The following STRADB variants were observed in gnomAD, a reference collection of about 807,000 sequenced individuals.
STRADB encodes STE20 related adaptor beta.
Under a neutral mutation model 52.1 loss-of-function variants are expected in STRADB, and 34 were observed. That is an observed-to-expected ratio of 0.65 (90% CI 0.50 to 0.87). The LOEUF (loss-of-function observed/expected upper bound fraction) is 0.87, where lower values mean the gene tolerates loss of function less well. STRADB is among the 40% of genes least tolerant of loss of function. STRADB has a pLI of 0.00. For missense variants in STRADB, 340 were observed against 483.9 expected, an observed-to-expected ratio of 0.70 and a Z score of 2.79; for synonymous variants, 133 against 174.5, an observed-to-expected ratio of 0.76 and a Z score of 1.87.
chr2:201,463,988 T>A (rs1952258229), intron 3 of STRADB, among the ~76,000 whole-genome samples: 1 of 152,186 alleles, frequency 6.6e-6, no homozygotes, highest in Admixed American at 6.5e-5. Flanking sequence ...CTTCTCTGTG[T>A]TATCTTGAAA....
chr2:201,473,135 T>C, intron 5 of STRADB, 59 bp downstream of exon 5: 1 of 1,484,834 alleles, frequency 6.7e-7, no homozygotes, highest in Admixed American at 2.3e-5. Flanking sequence ...GTTCCACATC[T>C]GCAGATTCAA....
At chr2:201,471,124 C>T (rs1366443199) in intron 4 of STRADB, among the ~76,000 whole-genome samples, 1 of 152,162 alleles carries the variant, frequency 6.6e-6, no homozygotes, top group Non-Finnish European at 1.5e-5. Context: ...AAGGATCTGA[C>T]CTTTTTGAAA....
At position 201,478,618 on chromosome 2, in the gene STRADB, T is replaced by C; in HGVS notation, c.1070+17T>C. 1 of 1,610,378 alleles carries C rather than the reference T, an allele frequency of 6.2e-7. No individual in the cohort carries two copies. On this transcript the variant is annotated intron_variant, in intron 10 of 11. Coordinates refer to ENST00000194530, the MANE Select transcript of STRADB (RefSeq NM_018571.6). ...TGAGAAAAGGTAATATTGATCTCTT[T>C]TAAATAGCACAAAATGTACATGTTT... is the stretch of plus-strand genomic sequence containing the variant.
intron 5 of STRADB, 93 bp from the exon 6 acceptor site, chr2:201,474,554 C>G (rs1952442274): frequency 1.0e-6 from 1 of 968,178 alleles, no homozygotes; most frequent in African/African-American, 1.7e-5. Flanking sequence ...CACTAATAAG[C>G]ACCCTTGAGT....
rs757082011 is a variant in STRADB at position 201,458,765 on chromosome 2, A to G, written c.13-19A>G. ...CTGTAACTTATTTTTCACTTATATAATGCATTTCTGACTTCCAGGATTGCT... is the reference window on the plus strand; with the variant it reads ...CTGTAACTTATTTTTCACTTATATAGTGCATTTCTGACTTCCAGGATTGCT... On this transcript the variant is annotated intron_variant, in intron 2 of 11. Transcript: ENST00000194530. 16 of 1,610,840 alleles carry G rather than the reference A, an allele frequency of 9.9e-6. No individual in the cohort carries two copies. The Admixed American group carries it at 1.8e-4, about 18-fold the overall frequency.
intron 2 of STRADB, 83 bp downstream of exon 2, chr2:201,454,935 C>A: frequency 8.0e-7 from 1 of 1,244,074 alleles, no homozygotes; most frequent in Middle Eastern, 1.9e-4. Context: ...AAGGCATATT[C>A]TGATGGGATA....
intron 3 of STRADB, chr2:201,460,798 C>A (rs1179901220): frequency 2.7e-6 from 1 of 367,764 alleles, no homozygotes; most frequent in Admixed American, 2.5e-5. Flanking sequence ...CAAGTCTTGG[C>A]TATTGTCAGT....
In STRADB at chr2:201,473,035, A is replaced by G. The variant is rs765320163; in HGVS notation, c.274A>G (p.Asn92Asp). The change falls in exon 5 of 12, where the codon AAT becomes GAT. Residue 92 changes from asparagine to aspartate, a missense_variant. Physicochemically the swap from Asn to Asp is conservative, Grantham distance 23. Transcript: ENST00000194530. ...AACACTGGTAACTATAAAAATTACA[A>G]ATCTGGAAAACTGCAATGAAGAACG... ...TGTLVTIKIT[N>D]LENCNEERLK... 7.4e-6 allele frequency: 12 copies of G among 1,612,926 alleles called. No individual in the cohort carries two copies. Among genetic ancestry groups the G allele is most frequent in the South Asian group, 1.1e-5 (1 of 90,710 alleles).
chr2:201,480,258 A>C lies in STRADB; in HGVS notation c.*83A>C. 6.4e-7 allele frequency: 1 copy of C among 1,572,124 alleles called. No homozygotes were observed. The highest frequency in any genetic ancestry group is 1.4e-5 in the African/African-American group (1 of 73,276). ...TTCTGTATTTCTAGGTACAAATACC[A>C]GAATTATACTTGAAAATACAGTTGG... On this transcript the variant is annotated 3_prime_UTR_variant, in exon 12 of 12. Coordinates refer to ENST00000194530, the MANE Select transcript of STRADB (RefSeq NM_018571.6).
rs577257371 is a variant in STRADB at position 201,461,439 on chromosome 2, T to C, written c.93+2575T>C. On this transcript the variant is annotated intron_variant, in intron 3 of 11. Transcript: ENST00000194530. ...CCTCCCACCTCAGCCTCCCAGAGTA[T>C]TGGGCTTACAGTCTGAGCCAATGTG... is the stretch of plus-strand genomic sequence containing the variant. Among the ~76,000 whole-genome samples, 7 of 152,334 alleles carry C rather than the reference T, an allele frequency of 4.6e-5. No individual in the cohort carries two copies. In the East Asian group the frequency reaches 1.2e-3, roughly 25 times the overall value.
At chr2:201,467,911 T>C (rs1371765692) in intron 3 of STRADB, among the ~76,000 whole-genome samples, 1 of 151,968 alleles carries the variant, frequency 6.6e-6, no homozygotes, top group Non-Finnish European at 1.5e-5. Context: ...TGGTATTGAC[T>C]GAAACCTCTG....
At position 201,478,394 on chromosome 2, in the gene STRADB, C is replaced by G. The variant is rs1952514152; in HGVS notation, c.863C>G (p.Pro288Arg). The change falls in exon 10 of 12, where the codon CCA becomes CGA. Residue 288 changes from proline (P) to arginine (R), a missense_variant. Pro to Arg is a moderately radical substitution (Grantham distance 103). Transcript: ENST00000194530. ...LQKLKGPPYSPLDISIFPQSE... is the reference protein window; with the variant it reads ...LQKLKGPPYSRLDISIFPQSE... ...AAACTGAAAGGTCCTCCTTATAGCC[C>G]ATTGGATATCAGTATTTTCCCTCAA... 6.2e-7 allele frequency: 1 copy of G among 1,613,972 alleles called. No homozygotes were observed. The highest frequency in any genetic ancestry group is 1.1e-5 in the South Asian group (1 of 91,088).
At chr2:201,452,323 C>A (rs1324589466) in intron 1 of STRADB, among the ~76,000 whole-genome samples, 2 of 152,358 alleles carry the variant, frequency 1.3e-5, no homozygotes, top group East Asian at 3.9e-4. Flanking sequence ...ACCCTCAGAC[C>A]CCAGCTCTAT....
rs1284680220 is a variant in STRADB, at chr2:201,473,081, C to T, written c.315+5C>T. 3 of 1,609,252 alleles carry T rather than the reference C, an allele frequency of 1.9e-6. No homozygotes were observed. The highest frequency in any genetic ancestry group is 1.1e-5 in the South Asian group (1 of 89,588). ...GAACGCCTGAAAGCTTTACAGGTAACAATATGAAGAAAATGATACACAGTT... is the reference window on the plus strand; with the variant it reads ...GAACGCCTGAAAGCTTTACAGGTAATAATATGAAGAAAATGATACACAGTT... On this transcript the variant is annotated splice_donor_5th_base_variant and intron_variant, in intron 5 of 11. Coordinates refer to ENST00000194530, the MANE Select transcript of STRADB (RefSeq NM_018571.6).
chr2:201,464,417 G>A (rs539246914), intron 3 of STRADB, among the ~76,000 whole-genome samples: 47 of 152,242 alleles, frequency 3.1e-4, no homozygotes, highest in Admixed American at 2.7e-3. Context: ...AGGGAATCTC[G>A]TTTTCTTCCC....
At chr2:201,464,052 G>A (rs1171876109) in intron 3 of STRADB, among the ~76,000 whole-genome samples, 2 of 152,062 alleles carry the variant, frequency 1.3e-5, no homozygotes, top group Non-Finnish European at 2.9e-5. Flanking sequence ...GGAAGGTCAC[G>A]TATCTCTGTC....
At chr2:201,468,706 T>C (rs1952343758) in intron 3 of STRADB, among the ~76,000 whole-genome samples, 2 of 152,216 alleles carry the variant, frequency 1.3e-5, no homozygotes, top group African/African-American at 4.8e-5. Context: ...GCCGTTTTTT[T>C]CCAAGCCTGT....
rs1407640982 is a variant in STRADB at position 201,472,950 on chromosome 2, T to G, written c.194-5T>G. 5.0e-6 allele frequency: 8 copies of G among 1,597,064 alleles called. No individual in the cohort carries two copies. The highest frequency in any genetic ancestry group is 1.7e-5 in the Admixed American group (1 of 57,280). ...TACTAACATGAGTTTTATGTCTGAT[T>G]ACAGGAAGAGGATTTGACAACTTGA... On this transcript the variant is annotated splice_polypyrimidine_tract_variant and splice_region_variant and intron_variant, in intron 4 of 11. Transcript: ENST00000194530.
chr2:201,472,508 T>C (rs1952405695), intron 4 of STRADB, among the ~76,000 whole-genome samples: 1 of 152,206 alleles, frequency 6.6e-6, no homozygotes, highest in Non-Finnish European at 1.5e-5. Context: ...ACAAAAGAAG[T>C]TGACAACTGT....
Sources: gnomAD v4.1 joint callset for allele counts (sites outside exome capture counted in the v4.1 genomes callset) on GRCh38, gnomAD v4.1.1 for gene constraint, MANE v1.5 for transcripts, NCBI Gene and HGNC (gene_info 2026-07-23, HGNC 2026-07-21) for gene names.